Variants in POMP observed in about 807,000 individuals in gnomAD.
POMP encodes proteasome maturation protein, also known as 2510048O06Rik.
Under a neutral mutation model 20.6 loss-of-function variants are expected in POMP, and 12 were observed. The ratio of observed to expected loss-of-function variants is 0.58; its 90% CI spans 0.37 to 0.94. The LOEUF is 0.94. Among genes scored for constraint, POMP ranks in the 40% least tolerant of loss-of-function variants. POMP has a pLI of 0.01. For synonymous variants in POMP, 53 were observed against 55.0 expected (o/e 0.96, Z 0.16); for missense variants, 136 against 161.1 (o/e 0.84, Z 0.84).
At position 28,672,385 on chromosome 13, in the gene POMP, T is replaced by C. The variant is rs753242778; in HGVS notation, c.311T>C (p.Val104Ala). The C allele has an allele frequency of 5.0e-6, 8 of 1,610,780 alleles. 1 individual carries two copies. In the Admixed American group the frequency reaches 1.2e-4, roughly 23 times the overall value. The change falls in exon 5 of 6, where the codon GTT (valine) becomes GCT (alanine). Residue 104 changes from valine to alanine, a missense_variant. By Grantham distance (64) the Val-to-Ala change is moderately conservative (BLOSUM62 0). Coordinates refer to ENST00000380842, the MANE Select transcript of POMP (RefSeq NM_015932.6). ...TCAAGCTCAAATCTTTCACTGGATG[T>C]TTTGAGGGGTAATGATGAGACTATT... ...FLSSSNLSLD[V>A]LRGNDETIGF...
At chr13:28,660,686 C>T (rs1268828452) in intron 1 of POMP, among the ~76,000 whole-genome samples, 1 of 152,204 alleles carries the variant, frequency 6.6e-6, no homozygotes, top group Non-Finnish European at 1.5e-5. Context: ...TGACAGTCCA[C>T]ACTAGAGTCC....
chr13:28,675,728 C>CT (rs112247184), intron 5 of POMP, among the ~76,000 whole-genome samples: 34,915 of 151,820 alleles, frequency 0.23, 4,467 homozygotes, highest in African/African-American at 0.32. Context: ...TTTATTTTGG[C>CT]ATATGGTTCC....
chr13:28,662,883 A>T (rs1884370897), intron 2 of POMP, among the ~76,000 whole-genome samples: 1 of 152,240 alleles, frequency 6.6e-6, no homozygotes, highest in South Asian at 2.1e-4. Flanking sequence ...CTCTGGATTC[A>T]GTCGGCCTGG....
At position 28,678,174 on chromosome 13, in the gene POMP, A is replaced by AT; in HGVS notation, c.*72_*73insT. The AT allele has an allele frequency of 7.0e-7, 1 of 1,425,024 alleles. No individual in the cohort carries two copies. The highest frequency in any genetic ancestry group is 9.9e-7 in the Non-Finnish European group (1 of 1,008,948). The allele number at this position is 1,425,024 out of a possible 1,614,324, so 88.3% of individuals were successfully genotyped here. ...ATCTTTGTACTGTAATTTGATGTAC[A>AT]CAACATTAAAAGTACTGACACCTGA... On this transcript the variant is annotated 3_prime_UTR_variant, in exon 6 of 6. Coordinates refer to ENST00000380842, the MANE Select transcript of POMP (RefSeq NM_015932.6).
chr13:28,664,495 T>TA lies in POMP; in HGVS notation c.102-12dup. The TA allele has an allele frequency of 6.5e-7, 1 of 1,546,138 alleles. No homozygotes were observed. Reference sequence around the variant, plus strand: ...TAATCTCCTCTAAATGTTTTTTTTTTAATGTCCTTTCAGTTTTTCTTGTGT... The same window carrying TA: ...TAATCTCCTCTAAATGTTTTTTTTTTAAATGTCCTTTCAGTTTTTCTTGTGT... On this transcript the variant is annotated splice_polypyrimidine_tract_variant and intron_variant, in intron 2 of 5. Coordinates refer to ENST00000380842, the MANE Select transcript of POMP (RefSeq NM_015932.6).
chr13:28,673,177 TCTC>T (rs2137798604), intron 5 of POMP, among the ~76,000 whole-genome samples: 1 of 151,830 alleles, frequency 6.6e-6, no homozygotes, highest in South Asian at 2.1e-4. Context: ...TTCAAGCAAT[TCTC>T]CTGCCTCAGC....
chr13:28,666,689 T>C (rs1313742300), intron 3 of POMP, among the ~76,000 whole-genome samples: 2 of 152,248 alleles, frequency 1.3e-5, no homozygotes, highest in East Asian at 1.9e-4. Flanking sequence ...AGCCTTAGTC[T>C]TCTCATCTGG....
intron 5 of POMP, among the ~76,000 whole-genome samples, chr13:28,674,761 G>A (rs1006187812): frequency 2.0e-5 from 3 of 152,182 alleles, no homozygotes; most frequent in Non-Finnish European, 2.9e-5. Flanking sequence ...CTAGCTGGCT[G>A]GATGTGGTGG....
chr13:28,673,189 G>C (rs1487272170), intron 5 of POMP, among the ~76,000 whole-genome samples: 3 of 151,028 alleles, frequency 2.0e-5, no homozygotes, highest in Admixed American at 6.6e-5. Context: ...TCCTGCCTCA[G>C]CCTCCCAAGT....
intron 2 of POMP, among the ~76,000 whole-genome samples, chr13:28,663,008 TGA>T (rs1234221330): frequency 5.3e-5 from 8 of 152,236 alleles, no homozygotes; most frequent in Admixed American, 3.9e-4. Context: ...TATCTTCTTT[TGA>T]GGAATAAATG....
At position 28,678,127 on chromosome 13, in the gene POMP, G is replaced by T; in HGVS notation, c.*25G>T. 1 of 1,597,164 alleles carries T rather than the reference G, an allele frequency of 6.3e-7. No homozygotes were observed. The highest frequency in any genetic ancestry group is 8.6e-7 in the Non-Finnish European group (1 of 1,164,740). On this transcript the variant is annotated 3_prime_UTR_variant, in exon 6 of 6. Transcript: ENST00000380842. The stretch of plus-strand genomic sequence containing the variant: ...ATAGTGTGCTGTTCATGGAAACCGA[G>T]GGCTGCATCTTGTTTATAGTCATCT...
At chr13:28,661,123 C>T (rs1425247277) in intron 1 of POMP, among the ~76,000 whole-genome samples, 1 of 152,148 alleles carries the variant, frequency 6.6e-6, no homozygotes, top group Non-Finnish European at 1.5e-5. Flanking sequence ...TTACATTTTT[C>T]TGCAGAATCA....
chr13:28,667,930 A>G (rs1464439386), intron 3 of POMP, among the ~76,000 whole-genome samples: 1 of 152,232 alleles, frequency 6.6e-6, no homozygotes, highest in Admixed American at 6.5e-5. Flanking sequence ...TTAGTACCCA[A>G]TACAAATTGA....
chr13:28,678,577 T>C lies in POMP; in HGVS notation c.*475T>C, dbSNP rs564257889. ...TAACACTCATAAGAATAATATTTAC[T>C]GTGTCAGTGCTATTTTAGGATTATA... On this transcript the variant is annotated 3_prime_UTR_variant, in exon 6 of 6. Transcript: ENST00000380842. 1.6e-3 allele frequency: 260 copies of C among 159,232 alleles called. 1 individual carries two copies. Among genetic ancestry groups the C allele is most frequent in the Middle Eastern group, 0.01 (3 of 300 alleles). 9.9% of individuals were successfully genotyped at this position (159,232 alleles called of 1,614,324 possible). A position where few individuals can be genotyped will look rare whatever the true frequency, so the allele number is the denominator to read the frequency against.
chr13:28,667,390 G>A (rs142729515), intron 3 of POMP, among the ~76,000 whole-genome samples: 259 of 152,174 alleles, frequency 1.7e-3, no homozygotes, highest in Non-Finnish European at 2.5e-3. Flanking sequence ...AGCAAGACCC[G>A]TCTCTTAGAA....
intron 1 of POMP, among the ~76,000 whole-genome samples, chr13:28,661,302 C>CA (rs35852996): frequency 0.11 from 16,376 of 151,868 alleles, 1,115 homozygotes; most frequent in Middle Eastern, 0.17. Context: ...CTTATCTCCA[C>CA]AAAAAATAAA....
intron 4 of POMP, among the ~76,000 whole-genome samples, chr13:28,668,874 G>T (rs1884492315): frequency 6.6e-6 from 1 of 151,980 alleles, no homozygotes; most frequent in South Asian, 2.1e-4. Context: ...AAGTGGAGGT[G>T]TCAAGTATAC....
At chr13:28,676,895 G>A (rs145178098) in intron 5 of POMP, among the ~76,000 whole-genome samples, 64 of 152,312 alleles carry the variant, frequency 4.2e-4, no homozygotes, top group African/African-American at 1.5e-3. Context: ...TGGTACAACA[G>A]ATGCAAAACC....
chr13:28,662,511 T>A lies in POMP; in HGVS notation c.101+4T>A. The A allele has an allele frequency of 6.3e-7, 1 of 1,597,164 alleles. No individual in the cohort carries two copies. Among genetic ancestry groups the A allele is most frequent in the Non-Finnish European group, 8.6e-7 (1 of 1,164,608 alleles). ...GTCATGATCTTCTTCGGAAAGGGTA[T>A]ATGGGGGAGTTATGACTTTGATTTT... On this transcript the variant is annotated splice_donor_region_variant and intron_variant, in intron 2 of 5. Transcript: ENST00000380842.
Sources: gnomAD v4.1 joint callset for allele counts (sites outside exome capture counted in the v4.1 genomes callset) on GRCh38, gnomAD v4.1.1 for gene constraint, MANE v1.5 for transcripts, NCBI Gene and HGNC (gene_info 2026-07-23, HGNC 2026-07-21) for gene names.